CFAP20DC: variants seen among roughly 807,000 people sequenced by gnomAD.
The protein encoded by CFAP20DC is protein CFAP20DC.
CFAP20DC carries 84 observed loss-of-function variants against 101.7 expected under a neutral mutation model. The ratio of observed to expected loss-of-function variants is 0.83; its 90% CI spans 0.69 to 0.99. The LOEUF (loss-of-function observed/expected upper bound fraction) is 0.99, where lower values mean the gene tolerates loss of function less well. Ranked by LOEUF, CFAP20DC falls within the 50% of genes least tolerant of loss-of-function variation. CFAP20DC has a pLI of 0.00. For synonymous variants in CFAP20DC, 359 were observed against 351.2 expected, an observed-to-expected ratio of 1.02 and a Z score of -0.25; for missense variants, 1,007 against 970.3, an observed-to-expected ratio of 1.04 and a Z score of -0.50.
Position 58,913,958 on chromosome 3 carries a change from G to C in CFAP20DC, c.394-94C>G. On this transcript the variant is annotated intron_variant, in intron 5 of 16. Coordinates refer to ENST00000482387, the MANE Select transcript of CFAP20DC (RefSeq NM_001394063.1). The surrounding 1 kb of genome is among the most constrained non-coding windows in gnomAD (Gnocchi z 4.4). ...TGTAGACATTCAAAGAGTTGAGGCA[G>C]TTATCCTGATCAACAAGCCCCAAAC... The C allele has an allele frequency of 3.0e-6, 4 of 1,339,934 alleles. No homozygotes were observed. The highest frequency in any genetic ancestry group is 4.2e-6 in the Non-Finnish European group (4 of 963,052). 83.0% of individuals were successfully genotyped at this position (1,339,934 alleles called of 1,614,324 possible).
At chr3:58,919,682 G>A (rs1258502347) in intron 5 of CFAP20DC, among the ~76,000 whole-genome samples, 1 of 152,114 alleles carries the variant, frequency 6.6e-6, no homozygotes, top group Non-Finnish European at 1.5e-5. Context: ...ATTTCTCTCA[G>A]CAGTTCTACA....
chr3:59,017,743 C>T (rs1012645797), intron 4 of CFAP20DC: 2 of 152,124 alleles, frequency 1.3e-5, no homozygotes, highest in African/African-American at 4.8e-5. Context: ...GAAAATCCAA[C>T]TTGAGCTAGT....
chr3:58,764,144 C>T (rs1328194554), intron 15 of CFAP20DC, among the ~76,000 whole-genome samples: 1 of 152,204 alleles, frequency 6.6e-6, no homozygotes, highest in African/African-American at 2.4e-5. Flanking sequence ...GTGGAGTCTA[C>T]AGAGACAGGC....
chr3:58,861,131 T>C lies in CFAP20DC; in HGVS notation c.1593+2427A>G, dbSNP rs1000888923. 1.3e-5 allele frequency: 2 copies of C among 156,654 alleles called. No individual in the cohort carries two copies. Among genetic ancestry groups the C allele is most frequent in the African/African-American group, 4.8e-5 (2 of 41,554 alleles). 9.7% of individuals were successfully genotyped at this position (156,654 alleles called of 1,614,324 possible). A position where few individuals can be genotyped will look rare whatever the true frequency, so the allele number is the denominator to read the frequency against. ...ATTTTAATTAGCTTTTACTGTTGTA[T>C]GGGTACTTGTCTTCTATCCTAATAA... On this transcript the variant is annotated intron_variant, in intron 12 of 16. Transcript: ENST00000482387. The surrounding 1 kb of genome is among the most constrained non-coding windows in gnomAD (Gnocchi z 4.0).
At chr3:58,857,471 T>G (rs1298442669) in intron 12 of CFAP20DC, among the ~76,000 whole-genome samples, 1 of 152,210 alleles carries the variant, frequency 6.6e-6, no homozygotes, top group African/African-American at 2.4e-5. Context: ...TACTCTGGTT[T>G]GGAGATCAGC....
At chr3:58,745,951 A>C (rs1021146320) in intron 16 of CFAP20DC, among the ~76,000 whole-genome samples, 2 of 152,218 alleles carry the variant, frequency 1.3e-5, no homozygotes, top group Non-Finnish European at 2.9e-5. Context: ...AATAACACTC[A>C]GCACATGTAC....
intron 4 of CFAP20DC, among the ~76,000 whole-genome samples, chr3:58,966,537 T>A (rs1456571447): frequency 2.7e-5 from 4 of 149,984 alleles, no homozygotes; most frequent in Admixed American, 1.3e-4. Context: ...TATATATATT[T>A]TTTTTAGACA....
At chr3:59,000,354 G>C (rs536832063) in intron 4 of CFAP20DC, among the ~76,000 whole-genome samples, 2 of 152,334 alleles carry the variant, frequency 1.3e-5, no homozygotes, top group Admixed American at 6.5e-5. Context: ...GTGAAGAAGA[G>C]ATGTTTCAGC....
In CFAP20DC at chr3:58,933,196, G is replaced by C. The variant is rs1181610978; in HGVS notation, c.393+4452C>G. 4.2e-4 allele frequency among the ~76,000 whole-genome samples: 64 copies of C among 151,978 alleles called. 2 individuals are homozygous for C. On this transcript the variant is annotated intron_variant, in intron 5 of 16. Coordinates refer to ENST00000482387, the MANE Select transcript of CFAP20DC (RefSeq NM_001394063.1). ...AAGAAGGCCATTACATAATGGTAAAGGGATCAATTCAACAAGAACAGCTAA... is the reference window on the plus strand; with the variant it reads ...AAGAAGGCCATTACATAATGGTAAACGGATCAATTCAACAAGAACAGCTAA...
chr3:58,759,348 G>T (rs1467688725), intron 15 of CFAP20DC, among the ~76,000 whole-genome samples: 1 of 152,186 alleles, frequency 6.6e-6, no homozygotes, highest in Non-Finnish European at 1.5e-5. Flanking sequence ...TTTGAGAAGT[G>T]TCTGTTCATA....
chr3:58,856,348 A>G (rs1272975205), intron 12 of CFAP20DC, among the ~76,000 whole-genome samples: 4 of 150,614 alleles, frequency 2.7e-5, no homozygotes, highest in African/African-American at 9.9e-5. Context: ...TCAGTGTTCC[A>G]GATAGGGTAA....
rs570060504 is a variant in CFAP20DC, at chr3:58,969,460, C to T, written c.279-31698G>A. 8.6e-4 allele frequency among the ~76,000 whole-genome samples: 131 copies of T among 152,276 alleles called. 1 individual carries two copies. The highest frequency in any genetic ancestry group is 3.0e-3 in the African/African-American group (124 of 41,568). ...AAAGTTCCATATGACCCAGCAATTT[C>T]ACTCGTAGGTGAGCTCCAAGAGGAT... On this transcript the variant is annotated intron_variant, in intron 4 of 16. Transcript: ENST00000482387.
chr3:59,045,412 T>C (rs1699771871), intron 3 of CFAP20DC, among the ~76,000 whole-genome samples: 2 of 152,108 alleles, frequency 1.3e-5, no homozygotes, highest in African/African-American at 4.8e-5. Context: ...ATTTGCTAAA[T>C]CACCTGAAAT....
intron 14 of CFAP20DC, among the ~76,000 whole-genome samples, chr3:58,807,319 G>C (rs1028440176): frequency 7.9e-5 from 12 of 152,190 alleles, no homozygotes; most frequent in African/African-American, 2.9e-4. Flanking sequence ...GCACCCCCCA[G>C]TAGGGGCAGA....
intron 14 of CFAP20DC, among the ~76,000 whole-genome samples, chr3:58,809,033 C>T (rs1380370768): frequency 1.3e-5 from 2 of 151,966 alleles, no homozygotes; most frequent in Admixed American, 1.3e-4. Flanking sequence ...AATATATATG[C>T]ACCCAATACA....
At position 58,849,419 on chromosome 3, in the gene CFAP20DC, G is replaced by A; in HGVS notation, c.1594-10C>T. 2 of 1,485,014 alleles carry A rather than the reference G, an allele frequency of 1.3e-6. No individual in the cohort carries two copies. Among genetic ancestry groups the A allele is most frequent in the East Asian group, 5.0e-5 (2 of 40,342 alleles). The allele number at this position is 1,485,014 out of a possible 1,614,324, so 92.0% of individuals were successfully genotyped here. Reference sequence around the variant, plus strand: ...GGATACTGTGGTTACCCTATGTTGGGGAACAAAGTAAAAATAATTTTGAGC... The same window carrying A: ...GGATACTGTGGTTACCCTATGTTGGAGAACAAAGTAAAAATAATTTTGAGC... On this transcript the variant is annotated splice_polypyrimidine_tract_variant and intron_variant, in intron 12 of 16. Transcript: ENST00000482387.
chr3:58,901,990 T>G (rs2083188979), intron 6 of CFAP20DC, among the ~76,000 whole-genome samples: 2 of 152,230 alleles, frequency 1.3e-5, no homozygotes, highest in Non-Finnish European at 2.9e-5. Context: ...TTCTGGATAT[T>G]TCATAAAAGT....
At chr3:58,760,347 G>A (rs1471351509) in intron 15 of CFAP20DC, among the ~76,000 whole-genome samples, 3 of 152,112 alleles carry the variant, frequency 2.0e-5, no homozygotes, top group Non-Finnish European at 4.4e-5. Context: ...TCTGTTATTG[G>A]TGTATAAGAA....
intron 13 of CFAP20DC, among the ~76,000 whole-genome samples, chr3:58,840,652 T>C (rs994634419): frequency 6.6e-6 from 1 of 152,306 alleles, no homozygotes; most frequent in East Asian, 1.9e-4. Flanking sequence ...GTAATTAATT[T>C]ATGGAACTTT....
Sources: allele counts gnomAD v4.1 joint callset (sites outside exome capture counted in the v4.1 genomes callset), GRCh38; gene constraint gnomAD v4.1.1; non-coding constraint Gnocchi (gnomAD v3.1); transcripts MANE v1.5; gene names NCBI Gene and HGNC (gene_info 2026-07-23, HGNC 2026-07-21).